The following PHLPP2 variants were observed in gnomAD, a reference collection of about 807,000 sequenced individuals.
The protein encoded by PHLPP2 is PH domain leucine-rich repeat-containing protein phosphatase 2.
A neutral mutation model predicts 124.9 loss-of-function variants in PHLPP2; 66 were observed. That is an observed-to-expected ratio of 0.53 (90% CI 0.43 to 0.65). PHLPP2 has a LOEUF of 0.65. PHLPP2 is among the 30% of genes least tolerant of loss of function. PHLPP2 has a pLI of 0.00. For synonymous variants in PHLPP2, 681 were observed against 624.7 expected, an observed-to-expected ratio of 1.09 and a Z score of -1.34; for missense variants, 1,685 against 1,600.4, an observed-to-expected ratio of 1.05 and a Z score of -0.90.
chr16:71,707,153 C>T (rs1475537213), intron 2 of PHLPP2, among the ~76,000 whole-genome samples: 1 of 151,636 alleles, frequency 6.6e-6, no homozygotes, highest in Non-Finnish European at 1.5e-5. Context: ...GACGGGGTTT[C>T]ACCGTGTTAG....
intron 11 of PHLPP2, among the ~76,000 whole-genome samples, chr16:71,668,757 C>G (rs1047463619): frequency 6.6e-6 from 1 of 151,778 alleles, no homozygotes; most frequent in Non-Finnish European, 1.5e-5. Context: ...GAATGAGACC[C>G]TGTCTCCAAA....
intron 9 of PHLPP2, among the ~76,000 whole-genome samples, chr16:71,674,381 ACTTTTTT>A (rs1349504451): frequency 8.0e-6 from 1 of 124,582 alleles, no homozygotes; most frequent in Non-Finnish European, 1.7e-5. Context: ...CCAGGCCCAG[ACTTTTTT>A]TTTTTTTTTT....
At chr16:71,653,797 T>C (rs2044717164) in intron 17 of PHLPP2, among the ~76,000 whole-genome samples, 1 of 152,176 alleles carries the variant, frequency 6.6e-6, no homozygotes, top group Admixed American at 6.6e-5. Context: ...TCAATTATAC[T>C]ACTGAAAAAC....
intron 2 of PHLPP2, among the ~76,000 whole-genome samples, chr16:71,709,242 C>A (rs938506831): frequency 6.6e-6 from 1 of 152,098 alleles, no homozygotes; most frequent in Non-Finnish European, 1.5e-5. Context: ...CAGGATGTTT[C>A]ATTCCACCTT....
chr16:71,673,439 C>G (rs899535054), intron 9 of PHLPP2, among the ~76,000 whole-genome samples: 1 of 152,146 alleles, frequency 6.6e-6, no homozygotes. Context: ...AGTGCTTTCC[C>G]TATATTAACT....
chr16:71,652,840 C>T lies in PHLPP2; in HGVS notation c.2767G>A (p.Asp923Asn), dbSNP rs1446367753. 6.2e-7 allele frequency: 1 copy of T among 1,614,020 alleles called. No homozygotes were observed. The highest frequency in any genetic ancestry group is 8.5e-7 in the Non-Finnish European group (1 of 1,180,034). The change falls in exon 18 of 19, where the codon GAC becomes AAC. Residue 923 changes from aspartate to asparagine, a missense_variant. By Grantham distance (23) the Asp-to-Asn change is conservative (BLOSUM62 1). Coordinates refer to ENST00000568954, the MANE Select transcript of PHLPP2 (RefSeq NM_015020.3). ...TTCACCCTTTGAGCCTCCTCTGGGT[C>T]CTGCTCCAGGCTGAAGACTTTAGAG... Reference protein sequence around the residue: ...PLSKVFSLEQDPEEAQRVKDQ... With the variant: ...PLSKVFSLEQNPEEAQRVKDQ...
At chr16:71,659,650 A>G (rs868105813) in intron 13 of PHLPP2, among the ~76,000 whole-genome samples, 2 of 152,242 alleles carry the variant, frequency 1.3e-5, no homozygotes, top group South Asian at 4.1e-4. Context: ...TTATACACAC[A>G]GCACTGTGCT....
chr16:71,699,840 C>T (rs780728473), intron 3 of PHLPP2, among the ~76,000 whole-genome samples: 5 of 152,242 alleles, frequency 3.3e-5, no homozygotes, highest in Admixed American at 3.3e-4. Flanking sequence ...CAAGCCTACA[C>T]AGAGTTTGCT....
chr16:71,655,116 A>G (rs2044731423), intron 17 of PHLPP2, 124 bp downstream of exon 17: 2 of 691,016 alleles, frequency 2.9e-6, no homozygotes, highest in Non-Finnish European at 5.2e-6. Context: ...TGATCATAGA[A>G]GACAACAACG....
At position 71,696,020 on chromosome 16, in the gene PHLPP2, G is replaced by C. The variant is rs554789268; in HGVS notation, c.419-5311C>G. Among the ~76,000 whole-genome samples the C allele has an allele frequency of 2.3e-3, 343 of 152,196 alleles. 2 individuals carry two copies. Among genetic ancestry groups the C allele is most frequent in the Middle Eastern group, 0.01 (3 of 294 alleles). On this transcript the variant is annotated intron_variant, in intron 3 of 18. Transcript: ENST00000568954. Reference sequence around the variant, plus strand: ...ACCATAGTCATATTACACTTGTGTAGTTAAACACCCAATGTTTTAAATGCA... The same window carrying C: ...ACCATAGTCATATTACACTTGTGTACTTAAACACCCAATGTTTTAAATGCA...
At chr16:71,700,979 C>T (rs932455066) in intron 3 of PHLPP2, among the ~76,000 whole-genome samples, 1 of 152,072 alleles carries the variant, frequency 6.6e-6, no homozygotes, top group Non-Finnish European at 1.5e-5. Flanking sequence ...TGTGAAGACG[C>T]CTAGGAAGCC....
chr16:71,653,117 T>TTC, intron 17 of PHLPP2, 96 bp from the exon 18 acceptor site: 1 of 752,406 alleles, frequency 1.3e-6, no homozygotes, highest in Non-Finnish European at 2.1e-6. Context: ...TTTTTTTTTT[T>TTC]TTTACCATGT....
chr16:71,658,575 T>C, intron 14 of PHLPP2, 78 bp downstream of exon 14: 1 of 1,451,070 alleles, frequency 6.9e-7, no homozygotes, highest in Admixed American at 2.0e-5. Flanking sequence ...TTTCTTCTTC[T>C]TTATAAAAGG....
At chr16:71,707,423 G>A (rs1473742964) in intron 2 of PHLPP2, among the ~76,000 whole-genome samples, 2 of 152,124 alleles carry the variant, frequency 1.3e-5, no homozygotes, top group Non-Finnish European at 2.9e-5. Context: ...TAAGAGATGA[G>A]AAGACTCAGG....
chr16:71,649,642 T>G lies in PHLPP2; in HGVS notation c.3220A>C (p.Ser1074Arg). Residue 1074 changes from serine (S) to arginine (R), a missense_variant, in exon 19 of 19, where the codon AGT (serine) becomes CGT (arginine). Transcript: ENST00000568954. The part of the protein sequence containing the change: ...APKPATPSSS[S>R]GIASEFSSEM... ...CTGCTGAACTCAGAGGCAATCCCAC[T>G]GCTAGAGGATGGAGTGGCTGGCTTA... is the stretch of plus-strand genomic sequence containing the variant. The G allele has an allele frequency of 6.2e-7, 1 of 1,614,176 alleles. No individual in the cohort carries two copies. The highest frequency in any genetic ancestry group is 8.5e-7 in the Non-Finnish European group (1 of 1,180,034).
intron 9 of PHLPP2, 97 bp from the exon 10 acceptor site, chr16:71,672,419 G>C (rs2044903130): frequency 1.5e-5 from 13 of 841,072 alleles, no homozygotes; most frequent in Non-Finnish European, 2.6e-5. Context: ...TCACCAGAGA[G>C]AAAACTGATG....
rs143049413 is a variant in PHLPP2, at chr16:71,653,922, G to A, written c.2586-901C>T. Among the ~76,000 whole-genome samples, 354 of 152,232 alleles carry A rather than the reference G, an allele frequency of 2.3e-3. 2 individuals carry two copies. The highest frequency in any genetic ancestry group is 8.4e-3 in the African/African-American group (349 of 41,526). On this transcript the variant is annotated intron_variant, in intron 17 of 18. Transcript: ENST00000568954. ...TAAAAATACAAAAAATTAGCCTGGT[G>A]CAGTGGCTCACGCCTGTAATCCCAG...
At chr16:71,687,429 C>T (rs1175277213) in intron 4 of PHLPP2, among the ~76,000 whole-genome samples, 1 of 152,124 alleles carries the variant, frequency 6.6e-6, no homozygotes, top group East Asian at 1.9e-4. Flanking sequence ...CACCTTCAAC[C>T]TTCTAAGAGT....
chr16:71,663,671 G>A (rs1359392030), intron 13 of PHLPP2, among the ~76,000 whole-genome samples: 1 of 152,160 alleles, frequency 6.6e-6, no homozygotes, highest in East Asian at 1.9e-4. Context: ...CCATAATTAA[G>A]AAGTCACAAC....
Sources: gnomAD v4.1 joint callset for allele counts (sites outside exome capture counted in the v4.1 genomes callset) on GRCh38, gnomAD v4.1.1 for gene constraint, MANE v1.5 for transcripts, NCBI Gene and HGNC (gene_info 2026-07-23, HGNC 2026-07-21) for gene names.